Variants in USP14 observed in about 807,000 individuals in gnomAD.
USP14 encodes the protein ubiquitin specific peptidase 14.
A neutral mutation model predicts 76.5 loss-of-function variants in USP14; 38 were observed. The ratio of observed to expected loss-of-function variants is 0.50; its 90% confidence interval spans 0.38 to 0.65. The LOEUF is 0.65. Ranked by LOEUF, USP14 falls within the 30% of genes least tolerant of loss-of-function variation. USP14 has a pLI of 0.00. For missense variants in USP14, 467 were observed against 586.5 expected, an observed-to-expected ratio of 0.80 and a Z score of 2.10; for synonymous variants, 192 against 191.7, an observed-to-expected ratio of 1.00 and a Z score of -0.01.
At chr18:201,402 T>C (rs2143079981) in intron 10 of USP14, among the ~76,000 whole-genome samples, 1 of 152,310 alleles carries the variant, frequency 6.6e-6, no homozygotes, top group South Asian at 2.1e-4. Flanking sequence ...ATGGATTATG[T>C]TGATAAACAA....
intron 3 of USP14, among the ~76,000 whole-genome samples, chr18:176,566 T>G (rs1212207377): frequency 1.3e-5 from 2 of 152,198 alleles, no homozygotes; most frequent in Non-Finnish European, 2.9e-5. Flanking sequence ...TTGCTTTTTC[T>G]TATAGATTTG....
chr18:165,480 TG>T (rs1452713414), intron 2 of USP14, among the ~76,000 whole-genome samples: 1 of 152,212 alleles, frequency 6.6e-6, no homozygotes, highest in Admixed American at 6.5e-5. Flanking sequence ...AGTGGTATGC[TG>T]TCGAGAATTA....
At chr18:179,065 G>T in intron 4 of USP14, 28 bp downstream of exon 4, 2 of 1,514,694 alleles carry the variant, frequency 1.3e-6, no homozygotes, top group South Asian at 2.4e-5. Context: ...TTATGTGTTT[G>T]ATCACTACTT....
At chr18:205,423 AC>A (rs754396795) in intron 13 of USP14, among the ~76,000 whole-genome samples, 8 of 152,222 alleles carry the variant, frequency 5.3e-5, no homozygotes, top group Non-Finnish European at 1.0e-4. Flanking sequence ...CTTCTGCCCT[AC>A]CCCTTCCTTA....
At chr18:205,063 A>G (rs1281749315) in intron 13 of USP14, among the ~76,000 whole-genome samples, 8 of 151,920 alleles carry the variant, frequency 5.3e-5, no homozygotes, top group Non-Finnish European at 1.2e-4. Context: ...TTTGGTAGAG[A>G]CAGGGTTTTG....
chr18:214,522 G>A lies in USP14; in HGVS notation c.*3238G>A. ...AGCACCAGCCGACTGTACAACAATT[G>A]TTATAAAAATGTTTATTGTTTACCA... On this transcript the variant is annotated 3_prime_UTR_variant, in exon 16 of 16. Transcript: ENST00000261601. 1 of 925,090 alleles carries A rather than the reference G, an allele frequency of 1.1e-6. No homozygotes were observed. Among genetic ancestry groups the A allele is most frequent in the African/African-American group, 1.7e-5 (1 of 59,892 alleles). The allele number at this position is 925,090 out of a possible 1,614,324, so 57.3% of individuals were successfully genotyped here.
intron 3 of USP14, among the ~76,000 whole-genome samples, chr18:172,599 G>T (rs1248599758): frequency 1.3e-5 from 2 of 152,102 alleles, no homozygotes; most frequent in African/African-American, 2.4e-5. Context: ...CTCATTTTAA[G>T]CAATTACCCA....
In USP14 at chr18:212,774, A is replaced by C. The variant is rs1016657201; in HGVS notation, c.*1490A>C. 6.6e-6 allele frequency: 1 copy of C among 152,220 alleles called. No individual in the cohort carries two copies. The highest frequency in any genetic ancestry group is 2.4e-5 in the African/African-American group (1 of 41,452). 9.4% of individuals were successfully genotyped at this position (152,220 alleles called of 1,614,324 possible). On this transcript the variant is annotated 3_prime_UTR_variant, in exon 16 of 16. Transcript: ENST00000261601. ...ACCCTTGACTGATGCTAGGGAAAGG[A>C]TAAAGCATAGAATACCAGCCAGTTT...
At chr18:207,910 A>G (rs1412526729) in intron 13 of USP14, among the ~76,000 whole-genome samples, 1 of 152,136 alleles carries the variant, frequency 6.6e-6, no homozygotes, top group Non-Finnish European at 1.5e-5. Context: ...TAGAAATAAA[A>G]TTAACTTTGT....
chr18:184,230 A>T (rs1297143242), intron 5 of USP14, among the ~76,000 whole-genome samples: 1 of 152,132 alleles, frequency 6.6e-6, no homozygotes, highest in Non-Finnish European at 1.5e-5. Context: ...GATGCCAAAC[A>T]AAAGAAGTAG....
At position 204,566 on chromosome 18, in the gene USP14, T is replaced by C. The variant is rs1408745978; in HGVS notation, c.1038T>C (p.Asp346=). Residue 346 remains aspartate, a splice_region_variant and synonymous_variant, in exon 13 of 16, where the codon GAT becomes GAC. Transcript: ENST00000261601. The part of the protein sequence containing the change: ...KESVNAKVLK[D]VKFPLMLDMY... ...GTTTTTTGTTTGTTTGTATATAGGA[T>C]GTTAAATTTCCTCTTATGTTGGATA... 1 of 1,592,482 alleles carries C rather than the reference T, an allele frequency of 6.3e-7. No homozygotes were observed. The highest frequency in any genetic ancestry group is 1.8e-5 in the Admixed American group (1 of 54,682).
chr18:171,575 C>G (rs150946501), intron 3 of USP14, among the ~76,000 whole-genome samples: 32 of 152,284 alleles, frequency 2.1e-4, no homozygotes, highest in Middle Eastern at 6.8e-3. Flanking sequence ...GACAATGCAT[C>G]TAGTCACTTA....
chr18:206,027 G>T (rs1203790552), intron 13 of USP14, among the ~76,000 whole-genome samples: 2 of 152,214 alleles, frequency 1.3e-5, no homozygotes, highest in Non-Finnish European at 2.9e-5. Context: ...AAACATTCGT[G>T]TACAGGTTTT....
At chr18:193,964 C>T (rs1012082160) in intron 6 of USP14, among the ~76,000 whole-genome samples, 10 of 152,112 alleles carry the variant, frequency 6.6e-5, no homozygotes, top group African/African-American at 2.4e-4. Context: ...GAGTTAATTA[C>T]TGGGTCATAT....
In USP14 at chr18:158,663, G is replaced by C; in HGVS notation, c.-36G>C. 3 of 1,519,322 alleles carry C rather than the reference G, an allele frequency of 2.0e-6. No homozygotes were observed. The highest frequency in any genetic ancestry group is 2.6e-6 in the Non-Finnish European group (3 of 1,141,246). 94.1% of individuals were successfully genotyped at this position (1,519,322 alleles called of 1,614,324 possible). A position where few individuals can be genotyped will look rare whatever the true frequency, so the allele number is the denominator to read the frequency against. On this transcript the variant is annotated 5_prime_UTR_variant, in exon 1 of 16. Transcript: ENST00000261601. ...CCCTTTGCCGCCCTCGTCAGGCCCA[G>C]CTCTCCTGCGCCGCCGCCTCCCGCC...
intron 12 of USP14, 26 bp from the exon 13 acceptor site, chr18:204,538 C>T (rs779154691): frequency 3.3e-6 from 5 of 1,519,194 alleles, no homozygotes; most frequent in Middle Eastern, 2.2e-4. Context: ...TGTGTTTACA[C>T]ATGTTTTTTG....
chr18:205,481 T>A (rs982465974), intron 13 of USP14, among the ~76,000 whole-genome samples: 2 of 152,138 alleles, frequency 1.3e-5, no homozygotes, highest in Non-Finnish European at 2.9e-5. Context: ...TTTTGTCATT[T>A]CAAGAAAGTT....
Position 204,624 on chromosome 18 carries a change from AAAATGGTGTCTTTTCGATCC to A in USP14, c.1101_1120del (p.Met367IlefsTer7). 1 of 1,613,330 alleles carries A rather than the reference AAAATGGTGTCTTTTCGATCC, an allele frequency of 6.2e-7. No individual in the cohort carries two copies. Among genetic ancestry groups the A allele is most frequent in the Non-Finnish European group, 8.5e-7 (1 of 1,179,698 alleles). On this transcript the variant is annotated frameshift_variant, in exon 13 of 16. Transcript: ENST00000261601. LOFTEE classifies it high-confidence loss of function. ...ACTGTGTACACCAGAACTTCAAGAG[AAAATGGTGTCTTTTCGATCC>A]AAATTCAAGGATCTAGAAGATAAAA...
rs1365091678 is a variant in USP14 at position 158,658 on chromosome 18, G to C, written c.-41G>C. ...CCCGTCCCTTTGCCGCCCTCGTCAG[G>C]CCCAGCTCTCCTGCGCCGCCGCCTC... On this transcript the variant is annotated 5_prime_UTR_variant, in exon 1 of 16. Transcript: ENST00000261601. 1 of 1,519,096 alleles carries C rather than the reference G, an allele frequency of 6.6e-7. No homozygotes were observed. The allele number at this position is 1,519,096 out of a possible 1,614,324, so 94.1% of individuals were successfully genotyped here.
Sources: gnomAD v4.1 joint callset for allele counts (sites outside exome capture counted in the v4.1 genomes callset) on GRCh38, gnomAD v4.1.1 for gene constraint, MANE v1.5 for transcripts, NCBI Gene and HGNC (gene_info 2026-07-23, HGNC 2026-07-21) for gene names.